TSC2: variants seen among roughly 807,000 people sequenced by gnomAD.
TSC2 encodes the protein tuberin.
Under a neutral mutation model 202.2 loss-of-function variants are expected in TSC2, and 29 were observed. That is an observed-to-expected ratio of 0.14 (90% CI 0.11 to 0.20). TSC2 has a LOEUF of 0.20. TSC2 is among the 10% of genes least tolerant of loss of function. The pLI is 1.00. For synonymous variants in TSC2, 1,349 were observed against 1,044.0 expected (o/e 1.29, Z -5.63); for missense variants, 2,429 against 2,420.0 (o/e 1.00, Z -0.08).
At chr16:2,053,659 C>G (rs2085405278) in intron 4 of TSC2, 5 of 681,306 alleles carry the variant, frequency 7.3e-6, no homozygotes, top group Admixed American at 2.0e-5. Context: ...CGCCTGTAAA[C>G]AGATGGTCAC....
intron 16 of TSC2, among the ~76,000 whole-genome samples, chr16:2,068,007 G>T (rs1216093585): frequency 6.6e-6 from 1 of 152,184 alleles, no homozygotes; most frequent in Non-Finnish European, 1.5e-5. Context: ...ATATTTCCTA[G>T]TTGAGGCAGA....
In TSC2 at chr16:2,083,448, G is replaced by T. The variant is rs2090378060; in HGVS notation, c.3884-247G>T. 3 of 639,252 alleles carry T rather than the reference G, an allele frequency of 4.7e-6. No homozygotes were observed. The Admixed American group carries it at 6.8e-5, about 15-fold the overall frequency. The allele number at this position is 639,252 out of a possible 1,614,324, so 39.6% of individuals were successfully genotyped here. On this transcript the variant is annotated intron_variant, in intron 32 of 41. Transcript: ENST00000219476. ...GGGGTGGCTGCTGGTGGACACTAGGGTGGGCAGAGCCGATTGCCTGCCCAA... is the reference window on the plus strand; with the variant it reads ...GGGGTGGCTGCTGGTGGACACTAGGTTGGGCAGAGCCGATTGCCTGCCCAA...
At chr16:2,087,087 G>C (rs1451006820) in intron 38 of TSC2, 3 of 692,940 alleles carry the variant, frequency 4.3e-6, no homozygotes, top group African/African-American at 1.8e-5. Context: ...TGTCTGTCAG[G>C]AGTAACTGGC....
chr16:2,086,718 C>G lies in TSC2; in HGVS notation c.4850-14C>G, dbSNP rs397515189. 1.2e-6 allele frequency: 2 copies of G among 1,609,024 alleles called. No homozygotes were observed. Among genetic ancestry groups the G allele is most frequent in the Non-Finnish European group, 8.5e-7 (1 of 1,179,922 alleles). ...ACTGGCCCCACAAACCCATCCGGCC[C>G]TGCTCACCCTCAGCCGTCTTCCACA... On this transcript the variant is annotated splice_polypyrimidine_tract_variant and intron_variant, in intron 37 of 41. Coordinates refer to ENST00000219476, the MANE Select transcript of TSC2 (RefSeq NM_000548.5).
At chr16:2,067,509 G>T (rs539450520) in intron 16 of TSC2, among the ~76,000 whole-genome samples, 38 of 151,382 alleles carry the variant, frequency 2.5e-4, no homozygotes, top group South Asian at 8.4e-4. Flanking sequence ...GGTGGCTCAT[G>T]CCCGTAATCC....
At chr16:2,072,765 C>A in intron 20 of TSC2, 84 bp from the exon 21 acceptor site, 1 of 1,605,046 alleles carries the variant, frequency 6.2e-7, no homozygotes, top group Non-Finnish European at 8.5e-7. Flanking sequence ...CCTGGGCCTG[C>A]GTTCCCAGGG....
chr16:2,048,825 GGTT>G (rs1374658047), intron 2 of TSC2, 72 bp downstream of exon 2: 1 of 1,606,456 alleles, frequency 6.2e-7, no homozygotes, highest in African/African-American at 1.3e-5. Context: ...TCTTGCACCA[GGTT>G]CTGTGGGAGA....
At chr16:2,072,823 GT>G (rs2088677172) in intron 20 of TSC2, 25 bp from the exon 21 acceptor site, 1 of 1,613,194 alleles carries the variant, frequency 6.2e-7, no homozygotes, top group Non-Finnish European at 8.5e-7. Context: ...CTGGGGAGAG[GT>G]TTCATGCCTG....
chr16:2,067,589 G>A (rs1285202948), intron 16 of TSC2, among the ~76,000 whole-genome samples: 7 of 151,930 alleles, frequency 4.6e-5, no homozygotes, highest in Non-Finnish European at 8.8e-5. Context: ...TGACCAACAT[G>A]GAGAAACCCC....
At chr16:2,087,048 C>T in intron 38 of TSC2, 177 bp downstream of exon 38, 2 of 954,714 alleles carry the variant, frequency 2.1e-6, no homozygotes, top group Non-Finnish European at 3.1e-6. Context: ...GTCCTCTGTG[C>T]CCTGAAGCCT....
rs35282988 is a variant in TSC2, at chr16:2,086,793, G to A, written c.4911G>A (p.Lys1637=). ...TKDVDKHRCD[K]KRHLGNDFVS... ...ACGTGGACAAGCACCGCTGCGACAAGAAGCGCCACCTGGGCAACGACTTTG... is the reference window on the plus strand; with the variant it reads ...ACGTGGACAAGCACCGCTGCGACAAAAAGCGCCACCTGGGCAACGACTTTG... Residue 1637 remains lysine, a synonymous_variant, in exon 38 of 42, where the codon AAG becomes AAA. Transcript: ENST00000219476. 6.5e-4 allele frequency: 1,051 copies of A among 1,611,610 alleles called. 5 individuals are homozygous for A. Among genetic ancestry groups the A allele is most frequent in the Non-Finnish European group, 4.8e-4 (571 of 1,179,844 alleles).
intron 10 of TSC2, 75 bp downstream of exon 10, chr16:2,058,948 G>C: frequency 1.9e-6 from 3 of 1,563,860 alleles, no homozygotes; most frequent in African/African-American, 2.7e-5. Context: ...CCATCCCACT[G>C]GGGGTCCTGC....
intron 20 of TSC2, chr16:2,072,588 T>C (rs2088632691): frequency 2.5e-6 from 2 of 793,904 alleles, no homozygotes; most frequent in Admixed American, 2.8e-5. Context: ...GCCAAGGGCA[T>C]GTCACTGAAT....
At chr16:2,076,761 G>C (rs1315301416) in intron 25 of TSC2, 176 bp downstream of exon 25, 1 of 668,932 alleles carries the variant, frequency 1.5e-6, no homozygotes, top group Non-Finnish European at 2.6e-6. Flanking sequence ...CCCTCAGCAG[G>C]TTGGCCGTGG....
At chr16:2,055,602 T>G in intron 6 of TSC2, 83 bp downstream of exon 6, 4 of 1,356,206 alleles carry the variant, frequency 2.9e-6, no homozygotes, top group Non-Finnish European at 4.2e-6. Context: ...ACCAAAAAAA[T>G]AGAGGTTGGG....
Position 2,079,739 on chromosome 16 carries a change from C to T in TSC2, c.3397+70C>T. The T allele has an allele frequency of 6.8e-7, 1 of 1,476,920 alleles. No homozygotes were observed. Among genetic ancestry groups the T allele is most frequent in the Non-Finnish European group, 9.1e-7 (1 of 1,096,542 alleles). 91.5% of individuals were successfully genotyped at this position (1,476,920 alleles called of 1,614,324 possible). On this transcript the variant is annotated intron_variant, in intron 29 of 41. Coordinates refer to ENST00000219476, the MANE Select transcript of TSC2 (RefSeq NM_000548.5). This position sits in a 1 kb window ranked among gnomAD's most constrained non-coding sequence, Gnocchi z 4.6. ...CTCAGTTGCTGCTGGTCCCAGTGTT[C>T]AGGAAGGCCCCGAGCCCAGGGGCCG...
chr16:2,089,160 C>T lies in TSC2; in HGVS notation c.*550C>T, dbSNP rs769130086. 15 of 170,496 alleles carry T rather than the reference C, an allele frequency of 8.8e-5. No homozygotes were observed. The highest frequency in any genetic ancestry group is 9.6e-5 in the African/African-American group (4 of 41,788). 10.6% of individuals were successfully genotyped at this position (170,496 alleles called of 1,614,324 possible). Reference sequence around the variant, plus strand: ...CCAAGCAGCAGCCGGGCTGCCATAACGCCACCACACCTACCAAGCGCAGCA... The same window carrying T: ...CCAAGCAGCAGCCGGGCTGCCATAATGCCACCACACCTACCAAGCGCAGCA... On this transcript the variant is annotated 3_prime_UTR_variant, in exon 42 of 42. Transcript: ENST00000219476.
In TSC2 at chr16:2,070,453, C is replaced by T. The variant is rs2151277529; in HGVS notation, c.1717-3C>T. 4.3e-6 allele frequency: 7 copies of T among 1,613,402 alleles called. No individual in the cohort carries two copies. Among genetic ancestry groups the T allele is most frequent in the Non-Finnish European group, 5.9e-6 (7 of 1,180,038 alleles). ...CGTGGTGAGCTGCGTCCTCTCTCTG[C>T]AGACCAAGCTGTACACCCTGCCTGC... On this transcript the variant is annotated splice_polypyrimidine_tract_variant and splice_region_variant and intron_variant, in intron 16 of 41. Coordinates refer to ENST00000219476, the MANE Select transcript of TSC2 (RefSeq NM_000548.5).
intron 15 of TSC2, 195 bp downstream of exon 15, chr16:2,064,622 G>A (rs2087067224): frequency 3.6e-6 from 3 of 823,452 alleles, no homozygotes; most frequent in East Asian, 5.4e-5. Context: ...CTGACTGAAA[G>A]TCCTGGACAT....
Sources: allele counts gnomAD v4.1 joint callset (sites outside exome capture counted in the v4.1 genomes callset), GRCh38; gene constraint gnomAD v4.1.1; non-coding constraint Gnocchi (gnomAD v3.1); transcripts MANE v1.5; gene names NCBI Gene and HGNC (gene_info 2026-07-23, HGNC 2026-07-21).